The following CNTN5 variants were observed in gnomAD, a reference collection of about 807,000 sequenced individuals.
CNTN5 encodes contactin 5.
Under a neutral mutation model 129.1 loss-of-function variants are expected in CNTN5, and 77 were observed. The ratio of observed to expected loss-of-function variants is 0.60; its 90% CI spans 0.50 to 0.72. CNTN5 has a LOEUF of 0.72. Among genes scored for constraint, CNTN5 ranks in the 30% least tolerant of loss-of-function variants. CNTN5 has a pLI of 0.00. For synonymous variants in CNTN5, 509 were observed against 465.6 expected, an observed-to-expected ratio of 1.09 and a Z score of -1.20; for missense variants, 1,478 against 1,328.8, an observed-to-expected ratio of 1.11 and a Z score of -1.75.
intron 3 of CNTN5, among the ~76,000 whole-genome samples, chr11:99,787,724 T>G (rs1159131473): frequency 2.0e-5 from 3 of 152,044 alleles, no homozygotes; most frequent in Non-Finnish European, 2.9e-5. Context: ...TTGTCTCTAT[T>G]AACTTTGACC....
chr11:100,342,137 T>A (rs1451183180), intron 23 of CNTN5, among the ~76,000 whole-genome samples: 3 of 127,578 alleles, frequency 2.4e-5, no homozygotes, highest in Non-Finnish European at 4.7e-5. Context: ...CCTACTGTAA[T>A]TAGGATAGAT....
At chr11:99,406,398 A>AAT (rs1942067120) in intron 2 of CNTN5, among the ~76,000 whole-genome samples, 1 of 73,764 alleles carries the variant, frequency 1.4e-5, no homozygotes, top group Non-Finnish European at 2.4e-5. Flanking sequence ...TCCCAAACAG[A>AAT]GTCTCTCTCT....
intron 9 of CNTN5, among the ~76,000 whole-genome samples, chr11:100,050,902 T>G (rs1288149216): frequency 2.0e-5 from 3 of 152,052 alleles, no homozygotes; most frequent in Admixed American, 2.0e-4. Context: ...AAATCCAAAA[T>G]GTATATGCAC....
intron 3 of CNTN5, among the ~76,000 whole-genome samples, chr11:99,758,011 G>A (rs1944459244): frequency 6.6e-6 from 1 of 151,946 alleles, no homozygotes; most frequent in Non-Finnish European, 1.5e-5. Context: ...CAGTATTTTA[G>A]AAACAAAATA....
Position 99,634,247 on chromosome 11 carries a change from T to G in CNTN5, c.55+77978T>G, listed in dbSNP as rs143227182. ...GTATTTAAAGATAAATGTGTACAAC[T>G]TTAAATGGGATAAAATAACCAGAGA... On this transcript the variant is annotated intron_variant, in intron 3 of 24. Coordinates refer to ENST00000524871, the MANE Select transcript of CNTN5 (RefSeq NM_014361.4). Among the ~76,000 whole-genome samples, 445 of 152,260 alleles carry G rather than the reference T, an allele frequency of 2.9e-3. 3 individuals carry two copies. Among genetic ancestry groups the G allele is most frequent in the African/African-American group, 1.0e-2 (414 of 41,552 alleles).
At chr11:100,310,170 A>G (rs1038421900) in intron 21 of CNTN5, among the ~76,000 whole-genome samples, 7 of 152,022 alleles carry the variant, frequency 4.6e-5, no homozygotes, top group African/African-American at 1.7e-4. Context: ...GAACTACATT[A>G]GTGTGAATTC....
At chr11:100,163,153 T>C (rs1211166563) in intron 13 of CNTN5, among the ~76,000 whole-genome samples, 1 of 151,832 alleles carries the variant, frequency 6.6e-6, no homozygotes, top group Non-Finnish European at 1.5e-5. Context: ...AAAATTGATA[T>C]TTAGCTTATT....
chr11:99,346,654 A>T (rs1937899786), intron 2 of CNTN5, among the ~76,000 whole-genome samples: 1 of 152,200 alleles, frequency 6.6e-6, no homozygotes, highest in South Asian at 2.1e-4. Flanking sequence ...CATTTCTCCA[A>T]AATTCTTATG....
At chr11:99,716,025 TAA>T (rs11416838) in intron 3 of CNTN5, among the ~76,000 whole-genome samples, 2 of 151,416 alleles carry the variant, frequency 1.3e-5, no homozygotes, top group Admixed American at 6.6e-5. Context: ...TCATCTAATT[TAA>T]AAAAAAGTTT....
intron 2 of CNTN5, among the ~76,000 whole-genome samples, chr11:99,384,233 C>G (rs187505282): frequency 6.6e-6 from 1 of 152,300 alleles, no homozygotes; most frequent in East Asian, 1.9e-4. Flanking sequence ...TAAAGCTGTG[C>G]TTTAATGCAA....
chr11:100,080,677 A>G (rs942112701), intron 13 of CNTN5, among the ~76,000 whole-genome samples: 11 of 152,138 alleles, frequency 7.2e-5, no homozygotes, highest in Admixed American at 2.0e-4. Flanking sequence ...TTTGCTAATG[A>G]ACAAGCTGTT....
intron 1 of CNTN5, among the ~76,000 whole-genome samples, chr11:99,312,766 C>T (rs1865169293): frequency 6.6e-6 from 1 of 151,482 alleles, no homozygotes; most frequent in Non-Finnish European, 1.5e-5. Context: ...TCCAAAAAAT[C>T]CTACATGATA....
intron 1 of CNTN5, among the ~76,000 whole-genome samples, chr11:99,314,057 G>T (rs1337449567): frequency 6.6e-6 from 1 of 151,872 alleles, no homozygotes; most frequent in Non-Finnish European, 1.5e-5. Context: ...GTTGGTAAAA[G>T]GTGACATGTG....
chr11:100,044,317 T>C (rs1449661464), intron 9 of CNTN5, among the ~76,000 whole-genome samples: 1 of 152,126 alleles, frequency 6.6e-6, no homozygotes, highest in African/African-American at 2.4e-5. Flanking sequence ...TTTAATATAG[T>C]AATTTATTTT....
chr11:99,425,090 G>A (rs893161923), intron 2 of CNTN5, among the ~76,000 whole-genome samples: 3 of 152,264 alleles, frequency 2.0e-5, no homozygotes, highest in East Asian at 3.9e-4. Context: ...AGGTAGCTCC[G>A]TCCCACAGCT....
At chr11:100,064,103 A>G (rs1336500085) in intron 10 of CNTN5, among the ~76,000 whole-genome samples, 1 of 152,254 alleles carries the variant, frequency 6.6e-6, no homozygotes, top group Non-Finnish European at 1.5e-5. Flanking sequence ...TATTCTCTCA[A>G]TAGAATGAAT....
chr11:99,061,284 G>A (rs1864864649), intron 1 of CNTN5, among the ~76,000 whole-genome samples: 1 of 152,102 alleles, frequency 6.6e-6, no homozygotes, highest in Admixed American at 6.6e-5. Context: ...AAGAATTCAT[G>A]AAATATGCCT....
intron 2 of CNTN5, among the ~76,000 whole-genome samples, chr11:99,476,197 A>G (rs2135293405): frequency 1.3e-5 from 2 of 152,188 alleles, no homozygotes; most frequent in Middle Eastern, 6.8e-3. Flanking sequence ...TTGCTATGAC[A>G]TTAAAATTAT....
intron 18 of CNTN5, among the ~76,000 whole-genome samples, chr11:100,282,984 A>G (rs900309019): frequency 4.6e-5 from 7 of 151,938 alleles, no homozygotes; most frequent in Admixed American, 1.3e-4. Context: ...CTTCAGGGCA[A>G]TGGGCTCCCT....
Sources: allele counts gnomAD v4.1 joint callset (sites outside exome capture counted in the v4.1 genomes callset), GRCh38; gene constraint gnomAD v4.1.1; transcripts MANE v1.5; gene names NCBI Gene and HGNC (gene_info 2026-07-23, HGNC 2026-07-21).